CD36: variants seen among roughly 807,000 people sequenced by gnomAD.
The protein encoded by CD36 is CD36 molecule (CD36 blood group).
A neutral mutation model predicts 55.2 loss-of-function variants in CD36; 119 were observed. The observed-to-expected ratio is 2.15, with a 90% CI of 1.86 to 2.51. The LOEUF is 2.51. Among genes scored for constraint, CD36 ranks in the 30% most tolerant of loss-of-function variants. The pLI is 0.00. For missense variants in CD36, 819 were observed against 555.5 expected (o/e 1.47, Z -4.77); for synonymous variants, 186 against 193.6 (o/e 0.96, Z 0.33).
At chr7:80,616,026 T>C (rs1793132983) in intron 1 of CD36, among the ~76,000 whole-genome samples, 1 of 152,198 alleles carries the variant, frequency 6.6e-6, no homozygotes, top group South Asian at 2.1e-4. Flanking sequence ...TAAAGAAATC[T>C]ATCTTTCCAG....
intron 10 of CD36, 108 bp from the exon 11 acceptor site, chr7:80,671,814 A>G (rs1212473377): frequency 1.1e-6 from 1 of 948,830 alleles, no homozygotes; most frequent in Non-Finnish European, 1.7e-6. Context: ...GTTAAAAACC[A>G]TGTATTTTTT....
In CD36 at chr7:80,664,494, AAAGGT is replaced by A. The variant is rs769914634; in HGVS notation, c.701+1_701+5del. ...GCCATAATCGACACATATAAAGGTA[AAAGGT>A]AAGTATTCTGGTAAAATGTGCATGT... On this transcript the variant is annotated splice_donor_variant and coding_sequence_variant, in exon 7 of 15. Coordinates refer to ENST00000447544, the MANE Select transcript of CD36 (RefSeq NM_001001548.3). LOFTEE classifies it high-confidence loss of function. 4 of 1,501,064 alleles carry A rather than the reference AAAGGT, an allele frequency of 2.7e-6. No homozygotes were observed. The Admixed American group carries it at 5.0e-5, about 19-fold the overall frequency. 93.0% of individuals were successfully genotyped at this position (1,501,064 alleles called of 1,614,324 possible). A position where few individuals can be genotyped will look rare whatever the true frequency, so the allele number is the denominator to read the frequency against.
intron 5 of CD36, 119 bp downstream of exon 5, chr7:80,661,329 T>C (rs914729440): frequency 9.3e-6 from 9 of 962,810 alleles, no homozygotes; most frequent in Admixed American, 4.0e-5. Context: ...AACGTATTCC[T>C]ATATCATTAT....
intron 1 of CD36, among the ~76,000 whole-genome samples, chr7:80,639,179 A>G (rs1466553355): frequency 6.6e-6 from 1 of 151,980 alleles, no homozygotes; most frequent in African/African-American, 2.4e-5. Context: ...ATATGCAATT[A>G]TTAACTATTA....
intron 12 of CD36, 88 bp from the exon 13 acceptor site, chr7:80,673,267 G>T: frequency 1.5e-6 from 1 of 649,472 alleles, no homozygotes; most frequent in Non-Finnish European, 2.7e-6. Context: ...ATTAGCAACA[G>T]CAACTAATTT....
intron 1 of CD36, among the ~76,000 whole-genome samples, chr7:80,645,049 TC>T (rs1795056774): frequency 6.7e-6 from 1 of 150,198 alleles, no homozygotes; most frequent in African/African-American, 2.5e-5. Context: ...AGATGGAGTT[TC>T]ACTCTTGTTG....
intron 1 of CD36, chr7:80,640,077 G>T: frequency 6.6e-6 from 1 of 151,946 alleles, no homozygotes; most frequent in East Asian, 1.9e-4. Context: ...TCCTGAAAAG[G>T]AAAGTTTAAG....
intron 3 of CD36, among the ~76,000 whole-genome samples, chr7:80,651,008 A>T (rs1255933298): frequency 6.6e-6 from 1 of 152,162 alleles, no homozygotes; most frequent in Non-Finnish European, 1.5e-5. Flanking sequence ...GAAAAGGGTC[A>T]AAATTCTACC....
chr7:80,603,982 A>G (rs1327885098), intron 1 of CD36, among the ~76,000 whole-genome samples: 1 of 152,156 alleles, frequency 6.6e-6, no homozygotes, highest in Non-Finnish European at 1.5e-5. Context: ...AGTATTTACA[A>G]ACAAAGCTTC....
intron 3 of CD36, among the ~76,000 whole-genome samples, chr7:80,648,207 A>T (rs914654402): frequency 1.3e-5 from 2 of 152,100 alleles, no homozygotes; most frequent in Non-Finnish European, 2.9e-5. Flanking sequence ...TAATAGTGGG[A>T]TGGAGTGGCC....
In CD36 at chr7:80,677,745, G is replaced by A. The variant is rs1431393794; in HGVS notation, c.*1362G>A. On this transcript the variant is annotated 3_prime_UTR_variant, in exon 15 of 15. Transcript: ENST00000447544. ...GAAAGTTTTTTAATCATTGAGGCAT[G>A]TAGGGCTGAGTTATATAATGTAGAA... 1.3e-5 allele frequency: 2 copies of A among 152,180 alleles called. No homozygotes were observed. Among genetic ancestry groups the A allele is most frequent in the Non-Finnish European group, 2.9e-5 (2 of 68,046 alleles). The allele number at this position is 152,180 out of a possible 1,614,324, so 9.4% of individuals were successfully genotyped here.
intron 11 of CD36, 49 bp downstream of exon 11, chr7:80,672,089 C>T (rs775110390): frequency 2.2e-6 from 3 of 1,362,396 alleles, no homozygotes; most frequent in Non-Finnish European, 3.1e-6. Flanking sequence ...TTTAAAAATA[C>T]AATTGAAATA....
Position 80,656,564 on chromosome 7 carries a change from A to G in CD36, c.145A>G (p.Ile49Val), listed in dbSNP as rs140276867. Residue 49 changes from isoleucine (I) to valine (V), a missense_variant, in exon 4 of 15, where the codon ATT (isoleucine) becomes GTT (valine). Physicochemically the swap from Ile to Val is conservative, Grantham distance 29. Transcript: ENST00000447544. ...GCAAGTTGTCCTCGAAGAAGGTACA[A>G]TTGCTTTTAAAAATTGGGTTAAAAC... ...KKQVVLEEGT[I>V]AFKNWVKTGT... 65 of 1,613,570 alleles carry G rather than the reference A, an allele frequency of 4.0e-5. No individual in the cohort carries two copies. Among genetic ancestry groups the G allele is most frequent in the African/African-American group, 1.6e-4 (12 of 74,862 alleles).
intron 3 of CD36, among the ~76,000 whole-genome samples, chr7:80,656,143 A>C (rs1217041372): frequency 1.3e-5 from 2 of 152,156 alleles, no homozygotes; most frequent in Non-Finnish European, 2.9e-5. Context: ...TTGTTTCATC[A>C]GTCCAACTTA....
intron 3 of CD36, chr7:80,647,151 C>A: frequency 1.4e-5 from 5 of 346,088 alleles, no homozygotes; most frequent in South Asian, 5.3e-5. Flanking sequence ...TAAGTTATGT[C>A]CAAAGAGCAT....
At chr7:80,621,577 G>T (rs968351997) in intron 1 of CD36, among the ~76,000 whole-genome samples, 11 of 152,146 alleles carry the variant, frequency 7.2e-5, no homozygotes, top group Admixed American at 5.2e-4. Context: ...ATAAATAAAT[G>T]TTTTAGAACA....
At chr7:80,654,893 AAAAGAC>A (rs1464880783) in intron 3 of CD36, among the ~76,000 whole-genome samples, 4 of 152,056 alleles carry the variant, frequency 2.6e-5, no homozygotes. Flanking sequence ...AAAAAAAAAA[AAAAGAC>A]AGTCATAGCA....
chr7:80,673,613 A>C, intron 13 of CD36: 1 of 571,892 alleles, frequency 1.7e-6, no homozygotes, highest in Non-Finnish European at 3.1e-6. Flanking sequence ...TCAAAAATGC[A>C]TCTATTAAAC....
chr7:80,663,772 A>C (rs766462283), intron 6 of CD36, among the ~76,000 whole-genome samples: 3 of 152,130 alleles, frequency 2.0e-5, no homozygotes, highest in Non-Finnish European at 4.4e-5. Flanking sequence ...CAAATAGGAT[A>C]AGCTAACTAC....
Sources: gnomAD v4.1 joint callset for allele counts (sites outside exome capture counted in the v4.1 genomes callset) on GRCh38, gnomAD v4.1.1 for gene constraint, MANE v1.5 for transcripts, NCBI Gene and HGNC (gene_info 2026-07-23, HGNC 2026-07-21) for gene names.